The following ANO1 variants were observed in gnomAD, a reference collection of about 807,000 sequenced individuals.
ANO1 encodes anoctamin 1.
In ANO1, 59 loss-of-function variants were observed where a neutral mutation model predicts 124.0. The observed-to-expected ratio is 0.48, with a 90% CI of 0.39 to 0.59. The LOEUF (loss-of-function observed/expected upper bound fraction) is 0.59, where lower values mean the gene tolerates loss of function less well. Ranked by LOEUF, ANO1 falls within the 20% of genes least tolerant of loss-of-function variation. The pLI, the probability that ANO1 is intolerant of heterozygous loss-of-function variation, is 0.00. For synonymous variants in ANO1, 529 were observed against 532.0 expected (o/e 0.99, Z 0.08); for missense variants, 1,059 against 1,328.0 (o/e 0.80, Z 3.15).
intron 1 of ANO1, among the ~76,000 whole-genome samples, chr11:70,000,601 G>A (rs998305655): frequency 1.3e-5 from 2 of 150,390 alleles, no homozygotes; most frequent in East Asian, 2.0e-4. Flanking sequence ...AGACTGATAG[G>A]CAGATTTACT....
intron 8 of ANO1, among the ~76,000 whole-genome samples, chr11:70,123,091 C>A (rs2046360583): frequency 6.6e-6 from 1 of 152,172 alleles, no homozygotes; most frequent in African/African-American, 2.4e-5. Context: ...GGAGAGATCG[C>A]ATCCTTCAGT....
chr11:70,156,077 ATAT>A (rs2135676361), intron 15 of ANO1, 89 bp downstream of exon 15: 1 of 1,227,512 alleles, frequency 8.1e-7, no homozygotes, highest in Non-Finnish European at 1.1e-6. Flanking sequence ...ACTGTTGTAT[ATAT>A]TTTTTTTTAA....
intron 11 of ANO1, among the ~76,000 whole-genome samples, chr11:70,140,138 G>C (rs1372201180): frequency 6.6e-6 from 1 of 152,202 alleles, no homozygotes; most frequent in Non-Finnish European, 1.5e-5. Flanking sequence ...TCCCAGAAAG[G>C]GGTCTTGAGC....
At chr11:70,117,079 T>C (rs1283509415) in intron 8 of ANO1, among the ~76,000 whole-genome samples, 1 of 148,480 alleles carries the variant, frequency 6.7e-6, no homozygotes, top group Non-Finnish European at 1.5e-5. Context: ...GACCCCTTTA[T>C]TCTTTTTTCT....
intron 1 of ANO1, among the ~76,000 whole-genome samples, chr11:70,062,066 T>C (rs1857594636): frequency 8.0e-6 from 1 of 125,230 alleles, no homozygotes; most frequent in Non-Finnish European, 1.7e-5. Context: ...TTTCCTTCTT[T>C]CTTTTTTTTT....
chr11:70,115,119 T>C (rs1367057473), intron 7 of ANO1, among the ~76,000 whole-genome samples: 1 of 151,960 alleles, frequency 6.6e-6, no homozygotes, highest in Admixed American at 6.6e-5. Context: ...CCCTGAAGAC[T>C]TAGGAGGAAA....
chr11:70,139,449 G>A (rs1027206097), intron 11 of ANO1, among the ~76,000 whole-genome samples: 6 of 152,104 alleles, frequency 3.9e-5, no homozygotes, highest in South Asian at 2.1e-4. Flanking sequence ...TCAGCCTCCC[G>A]AGTAGCTGGG....
rs765975749 is a variant in ANO1, at chr11:70,165,580, C to T, written c.2051+10C>T. 10 of 1,606,786 alleles carry T rather than the reference C, an allele frequency of 6.2e-6. No homozygotes were observed. The highest frequency in any genetic ancestry group is 8.5e-6 in the Non-Finnish European group (10 of 1,176,228). On this transcript the variant is annotated intron_variant, in intron 20 of 25. Transcript: ENST00000355303. ...TCGAGATCGGCATCCCGTGAGTGTG[C>T]TGCAGCGGGTTAGAGCGGCAGGGGC... is the stretch of plus-strand genomic sequence containing the variant.
chr11:70,073,856 C>T (rs2044019267), upstream of ANO1, among the ~76,000 whole-genome samples: 1 of 126,566 alleles, frequency 7.9e-6, no homozygotes, highest in South Asian at 3.2e-4. Flanking sequence ...GCCCCCCACC[C>T]CCAAGACAGA....
chr11:70,166,883 T>G (rs1468865392), intron 20 of ANO1, among the ~76,000 whole-genome samples: 1 of 152,202 alleles, frequency 6.6e-6, no homozygotes, highest in Admixed American at 6.6e-5. Context: ...CGGTGGCTCA[T>G]GCCTATAATC....
At chr11:70,147,132 C>T (rs1171084218) in intron 11 of ANO1, among the ~76,000 whole-genome samples, 4 of 152,242 alleles carry the variant, frequency 2.6e-5, no homozygotes, top group Non-Finnish European at 2.9e-5. Context: ...GGGCAGTGCT[C>T]GGCCCCAGAA....
intron 8 of ANO1, among the ~76,000 whole-genome samples, chr11:70,124,119 T>C (rs2046396229): frequency 6.6e-6 from 1 of 152,200 alleles, no homozygotes; most frequent in Non-Finnish European, 1.5e-5. Context: ...CCGTACAGCG[T>C]CTGGCCCATT....
At chr11:69,999,658 T>C (rs1430034134) in intron 1 of ANO1, among the ~76,000 whole-genome samples, 2 of 152,154 alleles carry the variant, frequency 1.3e-5, no homozygotes, top group African/African-American at 2.4e-5. Context: ...GGGCCATGTC[T>C]CTTGGGCTCA....
intron 7 of ANO1, among the ~76,000 whole-genome samples, chr11:70,112,033 C>A (rs1159052368): frequency 6.6e-6 from 1 of 152,232 alleles, no homozygotes; most frequent in Non-Finnish European, 1.5e-5. Context: ...AACCTCGTAG[C>A]CAGCGGGTCC....
rs572823315 is a variant in ANO1, at chr11:70,084,434, G to A, written c.109-3318G>A. 2.0e-5 allele frequency among the ~76,000 whole-genome samples: 3 copies of A among 152,330 alleles called. No homozygotes were observed. The South Asian group carries it at 6.2e-4, about 32-fold the overall frequency. The stretch of plus-strand genomic sequence containing the variant: ...GTGCCTGGCCCCAGAATTAGATGGA[G>A]CGTCCATCCTGGCACGTTCTGGTCA... On this transcript the variant is annotated intron_variant, in intron 1 of 25. Transcript: ENST00000355303.
chr11:70,089,990 GGTTTGTTTGTTTGTTT>G (rs72163864), intron 2 of ANO1, among the ~76,000 whole-genome samples: 26 of 4,846 alleles, frequency 5.4e-3, no homozygotes, highest in African/African-American at 6.7e-3. Flanking sequence ...TGTTCCCCAG[GGTTTGTTTGTTTGTTT>G]GTTTGTTTGT....
At position 70,156,116 on chromosome 11, in the gene ANO1, T is replaced by TCCTTCGG; in HGVS notation, c.1503+130_1503+136dup. On this transcript the variant is annotated intron_variant, in intron 15 of 25. Transcript: ENST00000355303. ...CATTCACATCCGTGTTTCTCTGTCT[T>TCCTTCGG]CCTTCGGCACCCAGTGAGCCCAGCA... 4.9e-6 allele frequency: 5 copies of TCCTTCGG among 1,011,850 alleles called. No homozygotes were observed. The South Asian group carries it at 1.1e-4, about 22-fold the overall frequency. The allele number at this position is 1,011,850 out of a possible 1,614,324, so 62.7% of individuals were successfully genotyped here. A position where few individuals can be genotyped will look rare whatever the true frequency, so the allele number is the denominator to read the frequency against.
chr11:70,020,230 G>A (rs894807601), intron 1 of ANO1, among the ~76,000 whole-genome samples: 1 of 152,176 alleles, frequency 6.6e-6, no homozygotes, highest in African/African-American at 2.4e-5. Context: ...GCGAAAGCTT[G>A]GGACCCCTCA....
At chr11:69,994,463 G>A (rs1856222914) in intron 1 of ANO1, among the ~76,000 whole-genome samples, 1 of 152,028 alleles carries the variant, frequency 6.6e-6, no homozygotes, top group Non-Finnish European at 1.5e-5. Context: ...TGGAGGAATG[G>A]AGATAGACAG....
Sources: allele counts gnomAD v4.1 joint callset (sites outside exome capture counted in the v4.1 genomes callset), GRCh38; gene constraint gnomAD v4.1.1; transcripts MANE v1.5; gene names NCBI Gene and HGNC (gene_info 2026-07-23, HGNC 2026-07-21).